CRACDL: variants seen among roughly 807,000 people sequenced by gnomAD.
The protein encoded by CRACDL is CRACD-like protein.
A neutral mutation model predicts 70.6 loss-of-function variants in CRACDL; 26 were observed. That is an observed-to-expected ratio of 0.37 (90% confidence interval 0.27 to 0.51). CRACDL has a LOEUF of 0.51. CRACDL is among the 20% of genes least tolerant of loss of function. The probability of loss-of-function intolerance (pLI) is 0.94; values close to 1 mark genes in which losing one functional copy is unlikely to be tolerated. For missense variants in CRACDL, 1,283 were observed against 1,376.9 expected (o/e 0.93, Z 1.08); for synonymous variants, 618 against 615.2 (o/e 1.00, Z -0.07).
intron 1 of CRACDL, among the ~76,000 whole-genome samples, chr2:98,866,973 A>C (rs1707171137): frequency 6.6e-6 from 1 of 151,962 alleles, no homozygotes; most frequent in Non-Finnish European, 1.5e-5. Flanking sequence ...GGCTTTGCAG[A>C]CCCCTCGGTT....
At chr2:98,836,308 C>T (rs980392891) in intron 3 of CRACDL, among the ~76,000 whole-genome samples, 19 of 152,094 alleles carry the variant, frequency 1.2e-4, no homozygotes, top group African/African-American at 3.4e-4. Flanking sequence ...GAGAAGTTGC[C>T]GCAGACTCTC....
At chr2:98,917,525 A>C (rs1385414318) in intron 1 of CRACDL, among the ~76,000 whole-genome samples, 1 of 152,226 alleles carries the variant, frequency 6.6e-6, no homozygotes. Context: ...AGCACACCAC[A>C]AATTTGTCAA....
chr2:98,924,963 C>A (rs1019806688), intron 1 of CRACDL, among the ~76,000 whole-genome samples: 1 of 152,182 alleles, frequency 6.6e-6, no homozygotes, highest in African/African-American at 2.4e-5. Context: ...TCGCAGAGTG[C>A]AGAGGAGGAA....
rs554022755 is a variant in CRACDL at position 98,873,079 on chromosome 2, T to C, written c.-10-26269A>G. Reference sequence around the variant, plus strand: ...AGTTACTTCCCTCTCTGAGGCTCAGTTTCCTAACTTGGAAACCTCATACCT... The same window carrying C: ...AGTTACTTCCCTCTCTGAGGCTCAGCTTCCTAACTTGGAAACCTCATACCT... On this transcript the variant is annotated intron_variant, in intron 1 of 9. Coordinates refer to ENST00000397899, the MANE Select transcript of CRACDL (RefSeq NM_207362.3). 2.6e-5 allele frequency among the ~76,000 whole-genome samples: 4 copies of C among 152,308 alleles called. No homozygotes were observed. In the South Asian group the frequency reaches 6.2e-4, roughly 24 times the overall value.
chr2:98,934,558 C>A (rs766410250), intron 1 of CRACDL, among the ~76,000 whole-genome samples: 2 of 152,118 alleles, frequency 1.3e-5, no homozygotes, highest in African/African-American at 4.8e-5. Context: ...GACAGCCACC[C>A]GTTAGTGAGC....
chr2:98,863,173 C>A (rs1472112284), intron 1 of CRACDL, among the ~76,000 whole-genome samples: 1 of 152,078 alleles, frequency 6.6e-6, no homozygotes, highest in Non-Finnish European at 1.5e-5. Flanking sequence ...TTGTGACATA[C>A]AACAGATCTG....
intron 1 of CRACDL, among the ~76,000 whole-genome samples, chr2:98,906,140 T>G (rs1057028285): frequency 6.6e-6 from 1 of 152,248 alleles, no homozygotes; most frequent in African/African-American, 2.4e-5. Flanking sequence ...GTTTCGTCAC[T>G]CTGTGACTCA....
In CRACDL at chr2:98,797,621, T is replaced by C. The variant is rs974585666; in HGVS notation, c.2417-84A>G. On this transcript the variant is annotated intron_variant, in intron 7 of 9. Coordinates refer to ENST00000397899, the MANE Select transcript of CRACDL (RefSeq NM_207362.3). ...TTTGTGTCTCCTGCACAGAGAACAC[T>C]ACTGCTTTGGTTCAGGGTTGCAGGG... 3.0e-6 allele frequency: 4 copies of C among 1,333,910 alleles called. No individual in the cohort carries two copies. In the African/African-American group the frequency reaches 5.8e-5, roughly 19 times the overall value. The allele number at this position is 1,333,910 out of a possible 1,614,324, so 82.6% of individuals were successfully genotyped here.
intron 1 of CRACDL, among the ~76,000 whole-genome samples, chr2:98,907,692 C>T (rs929269944): frequency 5.9e-5 from 9 of 152,212 alleles, no homozygotes; most frequent in African/African-American, 2.2e-4. Context: ...CCAGTTGGAC[C>T]AAAGACCTGC....
intron 7 of CRACDL, among the ~76,000 whole-genome samples, chr2:98,809,140 G>T (rs1704446715): frequency 6.6e-6 from 1 of 152,162 alleles, no homozygotes. Flanking sequence ...GCGAAGTGAG[G>T]CTATGACTCC....
chr2:98,819,004 C>A (rs980540775), intron 7 of CRACDL, among the ~76,000 whole-genome samples: 1 of 152,118 alleles, frequency 6.6e-6, no homozygotes, highest in African/African-American at 2.4e-5. Context: ...ATTCTTCTTT[C>A]GTTTTGAAAT....
intron 1 of CRACDL, among the ~76,000 whole-genome samples, chr2:98,870,234 T>C (rs1281340979): frequency 1.3e-5 from 2 of 152,196 alleles, no homozygotes; most frequent in Non-Finnish European, 2.9e-5. Flanking sequence ...TGCGATTCTA[T>C]GTTAGTAAAA....
chr2:98,931,241 C>G (rs1294328236), intron 1 of CRACDL, among the ~76,000 whole-genome samples: 7 of 150,832 alleles, frequency 4.6e-5, no homozygotes, highest in Non-Finnish European at 8.8e-5. Flanking sequence ...AAGAGAATCC[C>G]TTGAACCCAG....
At chr2:98,825,500 G>A (rs966579036) in intron 6 of CRACDL, among the ~76,000 whole-genome samples, 5 of 152,206 alleles carry the variant, frequency 3.3e-5, no homozygotes, top group African/African-American at 9.7e-5. Context: ...ACCACGCTTC[G>A]CTCTGTCACC....
intron 1 of CRACDL, chr2:98,869,496 C>T: frequency 8.6e-6 from 2 of 231,254 alleles, no homozygotes; most frequent in South Asian, 1.1e-4. Context: ...GTTGCTTGGG[C>T]TTTGTTGACT....
chr2:98,862,683 G>T (rs1706985608), intron 1 of CRACDL, among the ~76,000 whole-genome samples: 1 of 152,148 alleles, frequency 6.6e-6, no homozygotes, highest in African/African-American at 2.4e-5. Context: ...ATATGAGCAG[G>T]CAGAAGAAGA....
intron 5 of CRACDL, among the ~76,000 whole-genome samples, chr2:98,830,003 G>T (rs974333728): frequency 1.1e-4 from 17 of 152,232 alleles, no homozygotes; most frequent in Non-Finnish European, 1.5e-5. Context: ...CTCCGGAGCT[G>T]TGGGGCATGT....
chr2:98,832,316 T>A (rs1354660948), intron 5 of CRACDL, 32 bp downstream of exon 5: 1 of 1,613,078 alleles, frequency 6.2e-7, no homozygotes, highest in Non-Finnish European at 8.5e-7. Context: ...CAGGTGTGGA[T>A]GAAGACATGC....
chr2:98,893,145 C>A (rs1708022099), intron 1 of CRACDL, among the ~76,000 whole-genome samples: 1 of 152,160 alleles, frequency 6.6e-6, no homozygotes, highest in Non-Finnish European at 1.5e-5. Context: ...GGGCTCCTTG[C>A]ACCATTCTCC....
Sources: allele counts gnomAD v4.1 joint callset (sites outside exome capture counted in the v4.1 genomes callset), GRCh38; gene constraint gnomAD v4.1.1; transcripts MANE v1.5; gene names NCBI Gene and HGNC (gene_info 2026-07-23, HGNC 2026-07-21).